FAF1: variants seen among roughly 807,000 people sequenced by gnomAD.
The protein encoded by FAF1 is FAS-associated factor 1.
Under a neutral mutation model 92.5 loss-of-function variants are expected in FAF1, and 25 were observed. That is an observed-to-expected ratio of 0.27 (90% confidence interval 0.20 to 0.38). The LOEUF is 0.38. Ranked by LOEUF, FAF1 falls within the 10% of genes least tolerant of loss-of-function variation. The pLI is 1.00. For synonymous variants in FAF1, 234 were observed against 273.2 expected, an observed-to-expected ratio of 0.86 and a Z score of 1.42; for missense variants, 636 against 793.3, an observed-to-expected ratio of 0.80 and a Z score of 2.38.
intron 8 of FAF1, among the ~76,000 whole-genome samples, chr1:50,619,986 G>A (rs1653115780): frequency 6.8e-6 from 1 of 147,522 alleles, no homozygotes; most frequent in South Asian, 2.1e-4. Flanking sequence ...TCGGCTCACT[G>A]CAACCTCTGC....
At chr1:50,786,072 C>T (rs1661352470) in intron 4 of FAF1, among the ~76,000 whole-genome samples, 1 of 151,250 alleles carries the variant, frequency 6.6e-6, no homozygotes, top group Admixed American at 6.6e-5. Flanking sequence ...TTTGAGGCTA[C>T]AGTGAGCCGC....
intron 8 of FAF1, among the ~76,000 whole-genome samples, chr1:50,614,622 C>G (rs573985330): frequency 6.6e-6 from 1 of 151,916 alleles, no homozygotes; most frequent in Admixed American, 6.6e-5. Context: ...GGCGGATTAC[C>G]TAAGGTCAGG....
rs1034542371 is a variant in FAF1 at position 50,960,228 on chromosome 1, TCCTCCGCTTCCTCCCTGGCCGCCG to T, written c.-441_-418del. 3.9e-5 allele frequency: 13 copies of T among 332,554 alleles called. No homozygotes were observed. Among genetic ancestry groups the T allele is most frequent in the Non-Finnish European group, 4.4e-5 (8 of 182,702 alleles). 20.6% of individuals were successfully genotyped at this position (332,554 alleles called of 1,614,324 possible). On this transcript the variant is annotated 5_prime_UTR_variant, in exon 1 of 19. Transcript: ENST00000396153. ...GGCGAACGCCGCGGCCGCCTCCGCCTCCTCCGCTTCCTCCCTGGCCGCCGCCTCCGCCCCTGGTTGGCCAGCGCC... is the reference window on the plus strand; with the variant it reads ...GGCGAACGCCGCGGCCGCCTCCGCCTCCTCCGCCCCTGGTTGGCCAGCGCC...
At chr1:50,909,855 C>T (rs755298078) in intron 1 of FAF1, among the ~76,000 whole-genome samples, 2 of 151,854 alleles carry the variant, frequency 1.3e-5, no homozygotes, top group African/African-American at 2.4e-5. Flanking sequence ...TTGTTATTAC[C>T]GATTGTCTGA....
chr1:50,527,242 T>C (rs1647858854), intron 15 of FAF1, among the ~76,000 whole-genome samples: 1 of 152,192 alleles, frequency 6.6e-6, no homozygotes. Flanking sequence ...TGGTGAGTAA[T>C]AATGTTGAGC....
At chr1:50,775,433 T>G (rs1660921545) in intron 4 of FAF1, among the ~76,000 whole-genome samples, 1 of 152,084 alleles carries the variant, frequency 6.6e-6, no homozygotes, top group Admixed American at 6.6e-5. Flanking sequence ...ATACAAAATT[T>G]TATGGGATCA....
At chr1:50,806,837 C>T (rs1029813713) in intron 2 of FAF1, among the ~76,000 whole-genome samples, 1 of 152,146 alleles carries the variant, frequency 6.6e-6, no homozygotes, top group African/African-American at 2.4e-5. Flanking sequence ...ACAATTAAAC[C>T]TCCAAATGCA....
chr1:50,768,892 A>G (rs1660675930), intron 4 of FAF1, among the ~76,000 whole-genome samples: 1 of 152,140 alleles, frequency 6.6e-6, no homozygotes, highest in Non-Finnish European at 1.5e-5. Context: ...CTAAAGAAAC[A>G]AGAAGAAACC....
At chr1:50,740,948 T>C (rs1659363869) in intron 5 of FAF1, among the ~76,000 whole-genome samples, 1 of 152,222 alleles carries the variant, frequency 6.6e-6, no homozygotes, top group Non-Finnish European at 1.5e-5. Flanking sequence ...TCCATGCCAC[T>C]ATCCAAAGAT....
At chr1:50,884,223 C>A (rs992953366) in intron 1 of FAF1, among the ~76,000 whole-genome samples, 28 of 151,756 alleles carry the variant, frequency 1.8e-4, no homozygotes, top group African/African-American at 6.3e-4. Flanking sequence ...GTTAAAAATT[C>A]TTAAATATAG....
chr1:50,871,250 G>A (rs1644525662), intron 1 of FAF1, among the ~76,000 whole-genome samples: 2 of 152,224 alleles, frequency 1.3e-5, no homozygotes, highest in African/African-American at 2.4e-5. Flanking sequence ...GAAAATGCAA[G>A]GTGAAGCAGC....
intron 4 of FAF1, among the ~76,000 whole-genome samples, chr1:50,764,328 G>A (rs974304978): frequency 2.0e-5 from 3 of 152,104 alleles, no homozygotes; most frequent in East Asian, 1.9e-4. Context: ...CTAGTCTTAC[G>A]TATAAGGTCG....
intron 15 of FAF1, among the ~76,000 whole-genome samples, chr1:50,496,832 T>A (rs1382657264): frequency 6.6e-6 from 1 of 151,028 alleles, no homozygotes; most frequent in East Asian, 1.9e-4. Flanking sequence ...GAGGTTGCAG[T>A]GAGCTGAGAT....
At chr1:50,951,704 G>A (rs559080320) in intron 1 of FAF1, among the ~76,000 whole-genome samples, 1 of 152,312 alleles carries the variant, frequency 6.6e-6, no homozygotes, top group East Asian at 1.9e-4. Flanking sequence ...AAAGAGGACA[G>A]AGGAGAAAGG....
At chr1:50,797,311 T>C (rs1661791074) in intron 3 of FAF1, among the ~76,000 whole-genome samples, 1 of 152,204 alleles carries the variant, frequency 6.6e-6, no homozygotes, top group South Asian at 2.1e-4. Flanking sequence ...AAAACCACCA[T>C]CTTATAATCT....
intron 13 of FAF1, among the ~76,000 whole-genome samples, chr1:50,546,653 C>T (rs1572823899): frequency 6.6e-6 from 1 of 152,068 alleles, no homozygotes; most frequent in South Asian, 2.1e-4. Context: ...CATGAGATAC[C>T]GCGCCCGGCC....
chr1:50,954,446 T>C (rs1329016431), intron 1 of FAF1, among the ~76,000 whole-genome samples: 2 of 151,440 alleles, frequency 1.3e-5, no homozygotes, highest in Non-Finnish European at 2.9e-5. Flanking sequence ...GAGGCTGAGG[T>C]AGAAGGATCA....
At chr1:50,922,475 AAAAAAAAG>A in intron 1 of FAF1, among the ~76,000 whole-genome samples, 1 of 147,166 alleles carries the variant, frequency 6.8e-6, no homozygotes, top group Non-Finnish European at 1.5e-5. Context: ...AAAAAAAAAA[AAAAAAAAG>A]AAAAGAGAGA....
At chr1:50,823,063 C>T (rs994435975) in intron 2 of FAF1, among the ~76,000 whole-genome samples, 1 of 152,046 alleles carries the variant, frequency 6.6e-6, no homozygotes, top group Non-Finnish European at 1.5e-5. Flanking sequence ...CTTGAGGCAC[C>T]GTGCCCGGCC....
Sources: allele counts gnomAD v4.1 joint callset (sites outside exome capture counted in the v4.1 genomes callset), GRCh38; gene constraint gnomAD v4.1.1; transcripts MANE v1.5; gene names NCBI Gene and HGNC (gene_info 2026-07-23, HGNC 2026-07-21).